The following RIMS1 variants were observed in gnomAD, a reference collection of about 807,000 sequenced individuals.
RIMS1 encodes the protein regulating synaptic membrane exocytosis 1.
RIMS1 carries 83 observed loss-of-function variants against 214.1 expected under a neutral mutation model. The ratio of observed to expected loss-of-function variants is 0.39; its 90% CI spans 0.32 to 0.47. The LOEUF (loss-of-function observed/expected upper bound fraction) is 0.47, where lower values mean the gene tolerates loss of function less well. Among genes scored for constraint, RIMS1 ranks in the 20% least tolerant of loss-of-function variants. The pLI, the probability that RIMS1 is intolerant of heterozygous loss-of-function variation, is 0.99. For missense variants in RIMS1, 2,050 were observed against 2,161.8 expected, an observed-to-expected ratio of 0.95 and a Z score of 1.03; for synonymous variants, 793 against 786.8, an observed-to-expected ratio of 1.01 and a Z score of -0.13.
In RIMS1 at chr6:72,182,966, G is replaced by A; in HGVS notation, c.1495G>A (p.Asp499Asn). The A allele has an allele frequency of 1.3e-6, 2 of 1,593,692 alleles. No individual in the cohort carries two copies. Among genetic ancestry groups the A allele is most frequent in the Non-Finnish European group, 8.5e-7 (1 of 1,171,296 alleles). The change falls in exon 6 of 34, where the codon GAC becomes AAC. Residue 499 changes from aspartate to asparagine, a missense_variant. Physicochemically the swap from Asp to Asn is conservative, Grantham distance 23. This residue lies in a region of RIMS1 where 882 missense variants were observed against 828.9 expected (regional missense o/e 1.06). Transcript: ENST00000521978. ...GAAGGTGGAGACCATGCTGCGGAACGACTCTTTGAGCTCAGACCAGTCCGA... is the reference window on the plus strand; with the variant it reads ...GAAGGTGGAGACCATGCTGCGGAACAACTCTTTGAGCTCAGACCAGTCCGA... ...REKVETMLRNDSLSSDQSESV... is the reference protein window; with the variant it reads ...REKVETMLRNNSLSSDQSESV...
intron 4 of RIMS1, among the ~76,000 whole-genome samples, chr6:72,110,568 G>T (rs1381201824): frequency 2.7e-5 from 4 of 148,128 alleles, no homozygotes; most frequent in African/African-American, 9.9e-5. Context: ...CTGAGACTTT[G>T]CTGAAGTTGC....
chr6:72,259,800 A>G (rs765568958), intron 18 of RIMS1, among the ~76,000 whole-genome samples: 9 of 152,174 alleles, frequency 5.9e-5, no homozygotes, highest in Non-Finnish European at 1.2e-4. Flanking sequence ...TTATAAGCTC[A>G]GGATCTGATT....
chr6:72,166,450 T>C (rs1252534852), intron 4 of RIMS1, among the ~76,000 whole-genome samples: 1 of 152,222 alleles, frequency 6.6e-6, no homozygotes, highest in Non-Finnish European at 1.5e-5. Context: ...TTTGTAGGGA[T>C]ACTTTTCTCA....
intron 2 of RIMS1, among the ~76,000 whole-genome samples, chr6:71,990,364 C>A (rs914939387): frequency 9.2e-5 from 14 of 152,274 alleles, no homozygotes; most frequent in African/African-American, 3.4e-4. Flanking sequence ...TTTTGTTTTG[C>A]TCCAAGGGCA....
chr6:71,953,474 G>A (rs1790260974), intron 1 of RIMS1, among the ~76,000 whole-genome samples: 1 of 152,108 alleles, frequency 6.6e-6, no homozygotes, highest in African/African-American at 2.4e-5. Flanking sequence ...AGGTAAAAAT[G>A]AGTCAATATT....
intron 28 of RIMS1, among the ~76,000 whole-genome samples, chr6:72,326,415 C>G (rs965160213): frequency 1.3e-5 from 2 of 151,702 alleles, no homozygotes; most frequent in African/African-American, 2.4e-5. Context: ...CTTACATTAC[C>G]CATCACTTCT....
At chr6:71,992,306 C>T (rs537438452) in intron 2 of RIMS1, among the ~76,000 whole-genome samples, 7 of 152,188 alleles carry the variant, frequency 4.6e-5, no homozygotes, top group African/African-American at 1.7e-4. Context: ...CCAATTTGCA[C>T]CAGGAATGTT....
chr6:72,053,915 T>C (rs1402186000), intron 2 of RIMS1, among the ~76,000 whole-genome samples: 1 of 152,158 alleles, frequency 6.6e-6, no homozygotes, highest in Non-Finnish European at 1.5e-5. Flanking sequence ...TTTATTTTTA[T>C]TTTTTTATTT....
intron 4 of RIMS1, among the ~76,000 whole-genome samples, chr6:72,102,381 C>A (rs899954850): frequency 1.3e-5 from 2 of 151,882 alleles, no homozygotes; most frequent in Admixed American, 1.3e-4. Context: ...AAAACAGAAC[C>A]TTACTATTTT....
intron 26 of RIMS1, chr6:72,295,998 A>T: frequency 3.0e-6 from 1 of 330,974 alleles, no homozygotes; most frequent in South Asian, 9.6e-5. Flanking sequence ...TAACCATTTA[A>T]TATTGTTACT....
intron 6 of RIMS1, among the ~76,000 whole-genome samples, chr6:72,226,639 A>T (rs2060272299): frequency 6.6e-6 from 1 of 152,082 alleles, no homozygotes; most frequent in Non-Finnish European, 1.5e-5. Context: ...AATGTCTACT[A>T]AATAATTTTT....
chr6:72,252,648 C>T lies in RIMS1; in HGVS notation c.2699-113C>T, dbSNP rs1445050546. 20 of 782,684 alleles carry T rather than the reference C, an allele frequency of 2.6e-5. 1 individual carries two copies. Among genetic ancestry groups the T allele is most frequent in the Admixed American group, 1.2e-4 (6 of 49,716 alleles). The allele number at this position is 782,684 out of a possible 1,614,324, so 48.5% of individuals were successfully genotyped here. A position where few individuals can be genotyped will look rare whatever the true frequency, so the allele number is the denominator to read the frequency against. On this transcript the variant is annotated intron_variant, in intron 15 of 33. Coordinates refer to ENST00000521978, the MANE Select transcript of RIMS1 (RefSeq NM_014989.7). ...GCTCAGTGTTTACTGTATTAGTCTT[C>T]ATAAGTTTTCAGTAATAATGCAATT...
At chr6:72,016,617 A>G (rs1203087359) in intron 2 of RIMS1, among the ~76,000 whole-genome samples, 1 of 152,200 alleles carries the variant, frequency 6.6e-6, no homozygotes, top group Non-Finnish European at 1.5e-5. Context: ...TTCTCAAAAA[A>G]TTGATTTTGA....
In RIMS1 at chr6:72,208,193, G is replaced by T. The variant is rs190529684; in HGVS notation, c.1678+25044G>T. Among the ~76,000 whole-genome samples the T allele has an allele frequency of 1.5e-4, 23 of 152,156 alleles. 1 individual carries two copies. In the East Asian group the frequency reaches 3.9e-3, roughly 26 times the overall value. On this transcript the variant is annotated intron_variant, in intron 6 of 33. Coordinates refer to ENST00000521978, the MANE Select transcript of RIMS1 (RefSeq NM_014989.7). ...TAATCTTATTTCTGTCTGAACCGTG[G>T]GTGAAAACAAAAACAAGCAACAAGT...
At chr6:72,015,758 C>T (rs1364386469) in intron 2 of RIMS1, among the ~76,000 whole-genome samples, 1 of 152,068 alleles carries the variant, frequency 6.6e-6, no homozygotes, top group Non-Finnish European at 1.5e-5. Flanking sequence ...AACCCTGTCT[C>T]TACTAAAAAT....
chr6:71,916,315 TA>T lies in RIMS1; in HGVS notation c.164+29129del, dbSNP rs370229471. On this transcript the variant is annotated intron_variant, in intron 1 of 33. Transcript: ENST00000521978. ...TCTAGCAAAAGCCAATTAGAGTAAC[TA>T]GCATTCAAAAAGATCATTTCATTGA... 3.4e-3 allele frequency among the ~76,000 whole-genome samples: 517 copies of T among 152,244 alleles called. 2 individuals carry two copies. Among genetic ancestry groups the T allele is most frequent in the African/African-American group, 0.012 (488 of 41,562 alleles).
At chr6:71,924,048 A>C (rs973416817) in intron 1 of RIMS1, among the ~76,000 whole-genome samples, 1 of 152,176 alleles carries the variant, frequency 6.6e-6, no homozygotes, top group African/African-American at 2.4e-5. Flanking sequence ...TTTTGCCCTC[A>C]CTTTCTGCTA....
In RIMS1 at chr6:71,968,973, T is replaced by G. The variant is rs913674968; in HGVS notation, c.165-10T>G. On this transcript the variant is annotated splice_polypyrimidine_tract_variant and intron_variant, in intron 1 of 33. Transcript: ENST00000521978. ...TAATAGTGCGTTGTGCTGTCTATCA[T>G]GCGCCCCAGGTGTGTTGTCAGGGAC... The G allele has an allele frequency of 6.2e-7, 1 of 1,613,514 alleles. No individual in the cohort carries two copies. The highest frequency in any genetic ancestry group is 1.1e-5 in the South Asian group (1 of 91,074).
At chr6:72,338,574 A>G (rs928143522) in intron 29 of RIMS1, among the ~76,000 whole-genome samples, 4 of 152,088 alleles carry the variant, frequency 2.6e-5, no homozygotes, top group African/African-American at 9.7e-5. Context: ...TACTCATCTG[A>G]CAAAGGGCTA....
Sources: allele counts gnomAD v4.1 joint callset (sites outside exome capture counted in the v4.1 genomes callset), GRCh38; gene constraint gnomAD v4.1.1; regional missense constraint gnomAD v4.1.1; transcripts MANE v1.5; gene names NCBI Gene and HGNC (gene_info 2026-07-23, HGNC 2026-07-21).